The following TEX2 variants were observed in gnomAD, a reference collection of about 807,000 sequenced individuals.
TEX2 encodes testis-expressed protein 2.
In TEX2, 53 loss-of-function variants were observed where a neutral mutation model predicts 106.9. The ratio of observed to expected loss-of-function variants is 0.50; its 90% CI spans 0.40 to 0.62. TEX2 has a LOEUF of 0.62. TEX2 is among the 20% of genes least tolerant of loss of function. TEX2 has a pLI of 0.00. For synonymous variants in TEX2, 523 were observed against 534.8 expected (o/e 0.98, Z 0.30); for missense variants, 1,207 against 1,379.0 (o/e 0.88, Z 1.98).
intron 1 of TEX2, among the ~76,000 whole-genome samples, chr17:64,236,231 T>C (rs1555635117): frequency 1.3e-5 from 2 of 152,174 alleles, no homozygotes; most frequent in Admixed American, 6.5e-5. Context: ...GCTATTTACA[T>C]AGTATTCACA....
chr17:64,262,655 A>G (rs2034312852), intron 1 of TEX2, among the ~76,000 whole-genome samples: 1 of 152,140 alleles, frequency 6.6e-6, no homozygotes, highest in African/African-American at 2.4e-5. Flanking sequence ...CTCCCTGCTA[A>G]AGCACACAAA....
At chr17:64,164,639 C>T (rs1405956499) in intron 7 of TEX2, among the ~76,000 whole-genome samples, 1 of 152,130 alleles carries the variant, frequency 6.6e-6, no homozygotes, top group Non-Finnish European at 1.5e-5. Flanking sequence ...AGCGTGTATG[C>T]GTTCTTAATG....
At chr17:64,199,953 A>G (rs1269147558) in intron 2 of TEX2, among the ~76,000 whole-genome samples, 1 of 152,264 alleles carries the variant, frequency 6.6e-6, no homozygotes, top group Non-Finnish European at 1.5e-5. Context: ...ACAGTCATTC[A>G]GTACATGGCA....
In TEX2 at chr17:64,185,419, C is replaced by CACTTTCA. The variant is rs2032036246; in HGVS notation, c.2424+2748_2424+2749insTGAAAGT. Among the ~76,000 whole-genome samples, 1 of 152,150 alleles carries CACTTTCA rather than the reference C, an allele frequency of 6.6e-6. No individual in the cohort carries two copies. The highest frequency in any genetic ancestry group is 1.5e-5 in the Non-Finnish European group (1 of 68,028). ...AGTCTCTCTTCCTGATGTACCCATG[C>CACTTTCA]TGGAAGTGGTACCATTGCACTTTCA... On this transcript the variant is annotated intron_variant, in intron 5 of 11. Coordinates refer to ENST00000584379, the MANE Select transcript of TEX2 (RefSeq NM_001288732.2). This position sits in a 1 kb window ranked among gnomAD's most constrained non-coding sequence, Gnocchi z 4.0.
chr17:64,177,170 C>G (rs775997918), intron 6 of TEX2, among the ~76,000 whole-genome samples, 155 bp downstream of exon 6: 8 of 152,290 alleles, frequency 5.3e-5, no homozygotes, highest in Middle Eastern at 3.4e-3. Context: ...TAAGGTCAGT[C>G]TGTGATCAAG....
At chr17:64,190,660 TG>T (rs2143878743) in intron 4 of TEX2, among the ~76,000 whole-genome samples, 1 of 152,330 alleles carries the variant, frequency 6.6e-6, no homozygotes, top group South Asian at 2.1e-4. Flanking sequence ...GAGACCATAC[TG>T]GAATTCTGCC....
chr17:64,234,380 G>A (rs1022072766), intron 1 of TEX2, among the ~76,000 whole-genome samples: 3 of 152,184 alleles, frequency 2.0e-5, no homozygotes, highest in Non-Finnish European at 4.4e-5. Context: ...GATGATTAGC[G>A]TTGAGTTTGT....
At chr17:64,244,208 G>T (rs1567966334) in intron 1 of TEX2, among the ~76,000 whole-genome samples, 2 of 152,136 alleles carry the variant, frequency 1.3e-5, no homozygotes, top group Admixed American at 6.6e-5. Context: ...GTCAAGCTGG[G>T]AGCCACTTGG....
In TEX2 at chr17:64,150,884, T is replaced by G. The variant is rs371512535; in HGVS notation, c.3218A>C (p.His1073Pro). Reference sequence around the variant, plus strand: ...TTTCTTCTCTATCCAGTCTGTCACATGAACTAAAGTCACTTCTCTCTCTCC... The same window carrying G: ...TTTCTTCTCTATCCAGTCTGTCACAGGAACTAAAGTCACTTCTCTCTCTCC... ...KLGEREVTLVHVTDWIEKKLE... is the reference protein window; with the variant it reads ...KLGEREVTLVPVTDWIEKKLE... Residue 1073 changes from histidine (H) to proline (P), a missense_variant, in exon 11 of 12, where the codon CAT (histidine) becomes CCT (proline). His to Pro is a moderately conservative substitution (Grantham distance 77). This residue lies in a region of TEX2 where 77 missense variants were observed against 73.2 expected (regional missense o/e 1.05). Transcript: ENST00000584379. The G allele has an allele frequency of 1.4e-5, 22 of 1,613,860 alleles. No individual in the cohort carries two copies. Among genetic ancestry groups the G allele is most frequent in the Admixed American group, 1.2e-4 (7 of 59,958 alleles).
At chr17:64,174,015 ATTT>A (rs771635103) in intron 6 of TEX2, among the ~76,000 whole-genome samples, 1 of 146,902 alleles carries the variant, frequency 6.8e-6, no homozygotes, top group Non-Finnish European at 1.5e-5. Flanking sequence ...CGCTTGGATA[ATTT>A]TTTTTTTTTG....
At position 64,149,105 on chromosome 17, in the gene TEX2, T is replaced by C; in HGVS notation, c.3262-14A>G. The C allele has an allele frequency of 6.2e-7, 1 of 1,613,400 alleles. No individual in the cohort carries two copies. The highest frequency in any genetic ancestry group is 8.5e-7 in the Non-Finnish European group (1 of 1,179,540). ...GACAAAAACTTTCTGTAGGAAGATA[T>C]TAAAGAACAGCTATGTGGAAGAATG... On this transcript the variant is annotated splice_polypyrimidine_tract_variant and intron_variant, in intron 11 of 11. Transcript: ENST00000584379.
At chr17:64,154,694 A>G in intron 9 of TEX2, 148 bp downstream of exon 9, 1 of 1,038,878 alleles carries the variant, frequency 9.6e-7, no homozygotes. Flanking sequence ...TAAACAGACC[A>G]CTGACCTGGG....
chr17:64,178,949 A>G (rs1424609313), intron 5 of TEX2, among the ~76,000 whole-genome samples: 14 of 152,170 alleles, frequency 9.2e-5, no homozygotes, highest in Non-Finnish European at 1.5e-4. Flanking sequence ...TGCAGATCCA[A>G]TTGTTTGTGA....
chr17:64,216,556 A>G (rs1281031027), intron 1 of TEX2, among the ~76,000 whole-genome samples: 1 of 152,212 alleles, frequency 6.6e-6, no homozygotes, highest in Non-Finnish European at 1.5e-5. Context: ...TCAGGAACCA[A>G]GGCAAGAGTG....
chr17:64,244,395 C>A (rs1478548242), intron 1 of TEX2, among the ~76,000 whole-genome samples: 1 of 152,156 alleles, frequency 6.6e-6, no homozygotes, highest in East Asian at 1.9e-4. Context: ...GGTTTGGATT[C>A]TTGAATTTGC....
chr17:64,193,281 T>C (rs1251265990), intron 4 of TEX2, among the ~76,000 whole-genome samples: 1 of 152,216 alleles, frequency 6.6e-6, no homozygotes, highest in African/African-American at 2.4e-5. Context: ...TTGCTGCTTC[T>C]CTCAGGGGAG....
chr17:64,199,572 T>C (rs1251249530), intron 2 of TEX2, among the ~76,000 whole-genome samples: 1 of 152,232 alleles, frequency 6.6e-6, no homozygotes, highest in African/African-American at 2.4e-5. Context: ...AAGAGCCACA[T>C]TAAGAAAGAA....
chr17:64,254,474 C>T (rs541637052), intron 1 of TEX2, among the ~76,000 whole-genome samples: 8 of 152,168 alleles, frequency 5.3e-5, no homozygotes, highest in Non-Finnish European at 1.2e-4. Context: ...ATTAAAGCTT[C>T]GGTTTCAGCT....
chr17:64,234,479 G>A (rs1555634912), intron 1 of TEX2, among the ~76,000 whole-genome samples: 1 of 152,098 alleles, frequency 6.6e-6, no homozygotes, highest in African/African-American at 2.4e-5. Context: ...GAACTTTCTG[G>A]CCATCCATGT....
Sources: gnomAD v4.1 joint callset for allele counts (sites outside exome capture counted in the v4.1 genomes callset) on GRCh38, gnomAD v4.1.1 for gene constraint, gnomAD v4.1.1 regional missense constraint, Gnocchi (gnomAD v3.1) non-coding constraint, MANE v1.5 for transcripts, NCBI Gene and HGNC (gene_info 2026-07-23, HGNC 2026-07-21) for gene names.